The following GOLGA4 variants were observed in gnomAD, a reference collection of about 807,000 sequenced individuals.
GOLGA4 encodes the protein golgin subfamily A member 4.
Under a neutral mutation model 265.9 loss-of-function variants are expected in GOLGA4, and 169 were observed. The ratio of observed to expected loss-of-function variants is 0.64; its 90% confidence interval spans 0.56 to 0.72. The LOEUF is 0.72. GOLGA4 is among the 30% of genes least tolerant of loss of function. The pLI is 0.00. For missense variants in GOLGA4, 2,482 were observed against 2,483.4 expected (o/e 1.00, Z 0.01); for synonymous variants, 923 against 855.8 (o/e 1.08, Z -1.37).
intron 16 of GOLGA4, among the ~76,000 whole-genome samples, chr3:37,334,422 T>C (rs2097002404): frequency 6.6e-6 from 1 of 152,034 alleles, no homozygotes; most frequent in African/African-American, 2.4e-5. Context: ...AGAGAACAAC[T>C]GGTGGGGGTA....
intron 4 of GOLGA4, among the ~76,000 whole-genome samples, chr3:37,287,831 C>T (rs889295705): frequency 1.3e-5 from 2 of 152,178 alleles, no homozygotes; most frequent in Non-Finnish European, 2.9e-5. Flanking sequence ...ACAATACAAT[C>T]CAGTCATACT....
chr3:37,320,792 T>C (rs143493221), intron 12 of GOLGA4, among the ~76,000 whole-genome samples: 19 of 152,330 alleles, frequency 1.2e-4, no homozygotes, highest in African/African-American at 4.6e-4. Context: ...CGTGGGTACC[T>C]GTGCCTGCCC....
intron 10 of GOLGA4, among the ~76,000 whole-genome samples, chr3:37,312,424 T>C (rs1019573278): frequency 1.3e-5 from 2 of 152,218 alleles, no homozygotes; most frequent in Admixed American, 6.5e-5. Context: ...TAAAAGAATA[T>C]GTAAAACAAA....
intron 2 of GOLGA4, among the ~76,000 whole-genome samples, chr3:37,256,489 A>T (rs1444295548): frequency 6.6e-6 from 1 of 151,906 alleles, no homozygotes; most frequent in Non-Finnish European, 1.5e-5. Context: ...AAAGGGACAT[A>T]AAAAAAATCT....
intron 22 of GOLGA4, among the ~76,000 whole-genome samples, chr3:37,356,299 C>T (rs1186868005): frequency 6.6e-6 from 1 of 152,054 alleles, no homozygotes; most frequent in Non-Finnish European, 1.5e-5. Context: ...CCTGAAGGGA[C>T]CCCAATATCT....
At chr3:37,280,852 G>A (rs1049184159) in intron 2 of GOLGA4, among the ~76,000 whole-genome samples, 1 of 152,094 alleles carries the variant, frequency 6.6e-6, no homozygotes, top group South Asian at 2.1e-4. Context: ...GTGTATGAAG[G>A]TATGGGACAT....
intron 2 of GOLGA4, among the ~76,000 whole-genome samples, chr3:37,270,202 C>G (rs1037403888): frequency 2.6e-4 from 26 of 99,890 alleles, no homozygotes; most frequent in African/African-American, 9.7e-4. Flanking sequence ...CCAGTTGTAG[C>G]TTTTTTTTTT....
rs779644736 is a variant in GOLGA4, at chr3:37,326,882, T to G, written c.4996T>G (p.Tyr1666Asp). 2 of 1,613,426 alleles carry G rather than the reference T, an allele frequency of 1.2e-6. No homozygotes were observed. The highest frequency in any genetic ancestry group is 2.2e-5 in the South Asian group (2 of 91,052). ...LSQMEEKEEQ[Y>D]KKGTESHLSE... ...TCAAATGGAAGAGAAAGAAGAACAG[T>G]ATAAAAAAGGTACAGAAAGCCATTT... Residue 1666 changes from tyrosine (Y) to aspartate (D), a missense_variant, in exon 14 of 24, where the codon TAT becomes GAT. Physicochemically the swap from Tyr to Asp is radical, Grantham distance 160 (BLOSUM62 -3). Around this residue, in one of 3 missense-constraint regions of GOLGA4, gnomAD observed 942 missense variants for 983.1 expected, o/e 0.96. Coordinates refer to ENST00000361924, the MANE Select transcript of GOLGA4 (RefSeq NM_002078.5).
chr3:37,317,245 C>T (rs1204566722), intron 11 of GOLGA4, among the ~76,000 whole-genome samples: 3 of 152,186 alleles, frequency 2.0e-5, no homozygotes, highest in Admixed American at 1.3e-4. Flanking sequence ...TCTCGGTTCA[C>T]TGCATCCTCC....
At chr3:37,294,182 ATT>A in intron 5 of GOLGA4, among the ~76,000 whole-genome samples, 1 of 152,290 alleles carries the variant, frequency 6.6e-6, no homozygotes, top group East Asian at 1.9e-4. Flanking sequence ...AGAAAGCAGC[ATT>A]TTAACTAATT....
intron 22 of GOLGA4, among the ~76,000 whole-genome samples, chr3:37,355,856 GCTT>G (rs1053390543): frequency 2.6e-5 from 4 of 151,934 alleles, no homozygotes; most frequent in African/African-American, 9.7e-5. Flanking sequence ...CTCTCTTTCT[GCTT>G]CTTTTCCTTG....
chr3:37,271,106 G>T (rs1458007409), intron 2 of GOLGA4, among the ~76,000 whole-genome samples: 1 of 152,086 alleles, frequency 6.6e-6, no homozygotes, highest in Non-Finnish European at 1.5e-5. Context: ...CAGAGCTCAG[G>T]TGGTAATGCG....
intron 1 of GOLGA4, chr3:37,243,844 A>G: frequency 1.8e-6 from 1 of 570,510 alleles, no homozygotes; most frequent in Non-Finnish European, 3.1e-6. Context: ...CAATGAGTGG[A>G]TGGGGGTGGC....
At chr3:37,333,991 G>C (rs948256331) in intron 16 of GOLGA4, among the ~76,000 whole-genome samples, 1 of 152,204 alleles carries the variant, frequency 6.6e-6, no homozygotes, top group Non-Finnish European at 1.5e-5. Context: ...ATACCTGTTT[G>C]TGGTTATTTT....
At chr3:37,298,808 C>T in intron 7 of GOLGA4, 25 bp from the exon 8 acceptor site, 5 of 1,536,742 alleles carry the variant, frequency 3.3e-6, no homozygotes, top group Non-Finnish European at 4.4e-6. Context: ...ACTGATGGGC[C>T]CTTCTTATGT....
intron 2 of GOLGA4, among the ~76,000 whole-genome samples, chr3:37,260,638 CAA>C (rs11456184): frequency 5.0e-5 from 6 of 118,922 alleles, no homozygotes; most frequent in Non-Finnish European, 9.0e-5. Context: ...AACTCCGTCT[CAA>C]AAAAAAAAAA....
At position 37,347,218 on chromosome 3, in the gene GOLGA4, C is replaced by T. The variant is rs766426256; in HGVS notation, c.6498C>T (p.Val2166=). The change falls in exon 21 of 24, where the codon GTC becomes GTT. Residue 2166 remains valine, a synonymous_variant. Coordinates refer to ENST00000361924, the MANE Select transcript of GOLGA4 (RefSeq NM_002078.5). ...YKGGNLYHTD[V]SLFGEPTEFE... is the part of the protein sequence containing the mutation. ...GTGGCAATTTGTACCATACGGATGT[C>T]TCACTCTTTGGAGAACCTACCGAAT... 8.1e-6 allele frequency: 13 copies of T among 1,612,114 alleles called. No homozygotes were observed. In the South Asian group the frequency reaches 1.4e-4, roughly 18 times the overall value.
chr3:37,352,825 C>T (rs1279019993), intron 21 of GOLGA4, among the ~76,000 whole-genome samples: 1 of 152,030 alleles, frequency 6.6e-6, no homozygotes, highest in East Asian at 1.9e-4. Flanking sequence ...TTTTAATTTC[C>T]TTTCAAGAAC....
rs372845682 is a variant in GOLGA4, at chr3:37,282,079, G to A, written c.284G>A (p.Arg95Gln). ...FRSSSKESLV[R>Q]TSSRESLNRL... ...TCTTCTTCTAAAGAGTCTTTGGTACGAACATCTTCCAGAGAATCCCTGAAT... is the reference window on the plus strand; with the variant it reads ...TCTTCTTCTAAAGAGTCTTTGGTACAAACATCTTCCAGAGAATCCCTGAAT... The change falls in exon 3 of 24, where the codon CGA becomes CAA. Residue 95 changes from arginine (R) to glutamine (Q), a missense_variant. Around this residue, in one of 3 missense-constraint regions of GOLGA4, gnomAD observed 1,536 missense variants for 1,483.7 expected, o/e 1.04. Coordinates refer to ENST00000361924, the MANE Select transcript of GOLGA4 (RefSeq NM_002078.5). 37 of 1,613,934 alleles carry A rather than the reference G, an allele frequency of 2.3e-5. No homozygotes were observed. Among genetic ancestry groups the A allele is most frequent in the South Asian group, 3.3e-5 (3 of 91,070 alleles).
Sources: gnomAD v4.1 joint callset for allele counts (sites outside exome capture counted in the v4.1 genomes callset) on GRCh38, gnomAD v4.1.1 for gene constraint, gnomAD v4.1.1 regional missense constraint, MANE v1.5 for transcripts, NCBI Gene and HGNC (gene_info 2026-07-23, HGNC 2026-07-21) for gene names.